Variants in COLGALT2 observed in about 807,000 individuals in gnomAD.
The protein encoded by COLGALT2 is collagen beta(1-O)galactosyltransferase 2, also known as procollagen galactosyltransferase 2.
In COLGALT2, 49 loss-of-function variants were observed where a neutral mutation model predicts 73.4. The observed-to-expected ratio is 0.67, with a 90% CI of 0.53 to 0.85. The LOEUF (loss-of-function observed/expected upper bound fraction) is 0.85. Ranked by LOEUF, COLGALT2 falls within the 40% of genes least tolerant of loss-of-function variation. The pLI is 0.00. For synonymous variants in COLGALT2, 295 were observed against 307.6 expected (o/e 0.96, Z 0.43); for missense variants, 722 against 790.2 (o/e 0.91, Z 1.03).
chr1:183,954,877 GA>G (rs1670510555), intron 6 of COLGALT2, 39 bp from the exon 7 acceptor site: 1 of 1,466,880 alleles, frequency 6.8e-7, no homozygotes, highest in South Asian at 1.1e-5. Context: ...CTTTGTTAAT[GA>G]AAGGGTCAGA....
chr1:183,991,041 A>G (rs1422623087), intron 1 of COLGALT2, among the ~76,000 whole-genome samples: 2 of 152,222 alleles, frequency 1.3e-5, no homozygotes, highest in African/African-American at 2.4e-5. Context: ...GTGCTGGCCT[A>G]TTTTATTCAG....
At chr1:183,935,747 C>G, downstream of COLGALT2, 1 of 634,256 alleles carries the variant, frequency 1.6e-6, no homozygotes, top group East Asian at 1.4e-4. Context: ...CCCCCTGACT[C>G]TGACATCCTT....
downstream of COLGALT2, among the ~76,000 whole-genome samples, chr1:183,932,105 G>A (rs1230126083): frequency 1.3e-5 from 2 of 152,180 alleles, no homozygotes; most frequent in Admixed American, 6.5e-5. Flanking sequence ...GGCTGTGTGT[G>A]TGTGTGGTGA....
downstream of COLGALT2, among the ~76,000 whole-genome samples, chr1:183,933,451 C>T (rs1330407706): frequency 6.6e-6 from 1 of 152,194 alleles, no homozygotes; most frequent in Non-Finnish European, 1.5e-5. Context: ...CAATATCATC[C>T]CCTTCAAGTC....
At chr1:183,956,087 T>G (rs1462398091) in intron 6 of COLGALT2, among the ~76,000 whole-genome samples, 1 of 152,212 alleles carries the variant, frequency 6.6e-6, no homozygotes, top group East Asian at 1.9e-4. Flanking sequence ...GAAAGACACC[T>G]GCTCTGCAGA....
intron 10 of COLGALT2, among the ~76,000 whole-genome samples, chr1:183,942,832 G>T (rs1321475179): frequency 6.6e-6 from 1 of 152,184 alleles, no homozygotes; most frequent in African/African-American, 2.4e-5. Flanking sequence ...TCTTGCATCT[G>T]TCGGTACTTT....
chr1:183,964,251 G>A (rs989636678), intron 5 of COLGALT2: 2 of 437,386 alleles, frequency 4.6e-6, no homozygotes, highest in Admixed American at 8.5e-5. Context: ...AGAGGAAATT[G>A]ATTTTTTCCC....
intron 10 of COLGALT2, among the ~76,000 whole-genome samples, chr1:183,943,526 A>C (rs938666419): frequency 2.0e-5 from 3 of 152,092 alleles, no homozygotes; most frequent in Admixed American, 6.5e-5. Context: ...GAAGGGAAGG[A>C]AAAATGAAAG....
chr1:183,991,038 C>T (rs1481357024), intron 1 of COLGALT2, among the ~76,000 whole-genome samples: 2 of 152,204 alleles, frequency 1.3e-5, no homozygotes, highest in African/African-American at 4.8e-5. Context: ...CATGTGCTGG[C>T]CTATTTTATT....
At chr1:183,948,706 G>GT in intron 8 of COLGALT2, among the ~76,000 whole-genome samples, 1 of 152,254 alleles carries the variant, frequency 6.6e-6, no homozygotes, top group Non-Finnish European at 1.5e-5. Context: ...CATTGTACTT[G>GT]ATGATCCAGC....
Position 183,977,343 on chromosome 1 carries a change from C to T in COLGALT2, c.374+1067G>A, listed in dbSNP as rs576173905. On this transcript the variant is annotated intron_variant, in intron 2 of 11. Coordinates refer to ENST00000361927, the MANE Select transcript of COLGALT2 (RefSeq NM_015101.4). ...AAAAATAGCTGGGTGTGGTGGCACA[C>T]ACCTGTAGTCCCAGCTACTCGGGAG... is the stretch of plus-strand genomic sequence containing the variant. Among the ~76,000 whole-genome samples the T allele has an allele frequency of 8.6e-5, 13 of 151,858 alleles. 1 individual carries two copies. The highest frequency in any genetic ancestry group is 5.9e-4 in the Admixed American group (9 of 15,258).
At chr1:184,008,536 C>T (rs1296158542) in intron 1 of COLGALT2, among the ~76,000 whole-genome samples, 2 of 152,060 alleles carry the variant, frequency 1.3e-5, no homozygotes, top group Admixed American at 6.6e-5. Context: ...TTGAGACCAG[C>T]CTGAGCACAT....
Position 183,936,199 on chromosome 1 carries a change from G to T in COLGALT2, c.*2562C>A, listed in dbSNP as rs1158707122. On this transcript the variant is annotated 3_prime_UTR_variant, in exon 12 of 12. Coordinates refer to ENST00000361927, the MANE Select transcript of COLGALT2 (RefSeq NM_015101.4). ...GGCCTCTATACTGACGCCCTCACAT[G>T]ACACTGCAAAGGTCAAATGTCAAAG... The T allele has an allele frequency of 1.0e-6, 1 of 985,434 alleles. No homozygotes were observed. The highest frequency in any genetic ancestry group is 1.2e-6 in the Non-Finnish European group (1 of 829,998). The allele number at this position is 985,434 out of a possible 1,614,324, so 61.0% of individuals were successfully genotyped here.
At chr1:183,943,684 G>A (rs760338565) in intron 10 of COLGALT2, among the ~76,000 whole-genome samples, 2 of 152,138 alleles carry the variant, frequency 1.3e-5, no homozygotes, top group African/African-American at 2.4e-5. Flanking sequence ...AGTTGTCCAT[G>A]TTCTTCATGT....
intron 1 of COLGALT2, among the ~76,000 whole-genome samples, chr1:183,981,605 C>T (rs139613053): frequency 1.6e-3 from 239 of 152,142 alleles, no homozygotes; most frequent in African/African-American, 5.4e-3. Context: ...TGCAGTCAGC[C>T]GAGATCGGGC....
intron 1 of COLGALT2, among the ~76,000 whole-genome samples, chr1:184,023,787 A>T (rs1649249003): frequency 6.6e-6 from 1 of 152,172 alleles, no homozygotes; most frequent in East Asian, 1.9e-4. Context: ...AGTCAACAGC[A>T]ATAGATTTCC....
In COLGALT2 at chr1:183,938,091, T is replaced by G; in HGVS notation, c.*670A>C. 1.0e-6 allele frequency: 1 copy of G among 985,486 alleles called. No individual in the cohort carries two copies. Among genetic ancestry groups the G allele is most frequent in the South Asian group, 4.7e-5 (1 of 21,292 alleles). The allele number at this position is 985,486 out of a possible 1,614,324, so 61.0% of individuals were successfully genotyped here. Reference sequence around the variant, plus strand: ...AAATATCTACTAAATTATATCCACATGGCAAACTGGTCACCTCTATATGAG... The same window carrying G: ...AAATATCTACTAAATTATATCCACAGGGCAAACTGGTCACCTCTATATGAG... On this transcript the variant is annotated 3_prime_UTR_variant, in exon 12 of 12. Transcript: ENST00000361927.
At position 183,940,736 on chromosome 1, in the gene COLGALT2, G is replaced by A. The variant is rs1360544720; in HGVS notation, c.1449C>T (p.Pro483=). Residue 483 remains proline, a synonymous_variant, in exon 11 of 12, where the codon CCC becomes CCT. Transcript: ENST00000361927. The part of the protein sequence containing the change: ...MQVKEPEKAV[P]NVANLVEADY... ...CGGCTTCGACCAGGTTTGCCACATT[G>A]GGCACTGCTTTCTCTGGCTCCTTTA... 2 of 1,614,194 alleles carry A rather than the reference G, an allele frequency of 1.2e-6. No homozygotes were observed. Among genetic ancestry groups the A allele is most frequent in the Non-Finnish European group, 1.7e-6 (2 of 1,180,044 alleles).
chr1:183,986,387 C>T (rs1671489393), intron 1 of COLGALT2, among the ~76,000 whole-genome samples: 1 of 152,182 alleles, frequency 6.6e-6, no homozygotes, highest in Admixed American at 6.5e-5. Flanking sequence ...TTTATACTTC[C>T]TCAACATCCC....
Sources: allele counts gnomAD v4.1 joint callset (sites outside exome capture counted in the v4.1 genomes callset), GRCh38; gene constraint gnomAD v4.1.1; transcripts MANE v1.5; gene names NCBI Gene and HGNC (gene_info 2026-07-23, HGNC 2026-07-21).